The following NRG1 variants were observed in gnomAD, a reference collection of about 807,000 sequenced individuals.
NRG1 encodes pro-neuregulin-1, membrane-bound isoform.
A neutral mutation model predicts 63.8 loss-of-function variants in NRG1; 18 were observed. That is an observed-to-expected ratio of 0.28 (90% CI 0.19 to 0.42). The LOEUF is 0.42. Among genes scored for constraint, NRG1 ranks in the 10% least tolerant of loss-of-function variants. The pLI, the probability that NRG1 is intolerant of heterozygous loss-of-function variation, is 1.00. For missense variants in NRG1, 762 were observed against 814.7 expected (o/e 0.94, Z 0.79); for synonymous variants, 302 against 301.3 (o/e 1.00, Z -0.02).
At chr8:32,358,439 T>C (rs1405769069) in intron 1 of NRG1, among the ~76,000 whole-genome samples, 1 of 149,100 alleles carries the variant, frequency 6.7e-6, no homozygotes, top group Non-Finnish European at 1.5e-5. Context: ...AGGTCAGAGA[T>C]GCTGTCCCTG....
intron 1 of NRG1, among the ~76,000 whole-genome samples, chr8:31,901,944 G>A (rs570526340): frequency 6.6e-6 from 1 of 152,110 alleles, no homozygotes; most frequent in Admixed American, 6.5e-5. Context: ...TCCATGAAAC[G>A]GAACTTATTC....
At chr8:31,954,699 C>T (rs958216582) in intron 1 of NRG1, among the ~76,000 whole-genome samples, 1 of 152,186 alleles carries the variant, frequency 6.6e-6, no homozygotes, top group African/African-American at 2.4e-5. Flanking sequence ...AAGATTGCTT[C>T]TCTCTTTGTG....
At chr8:32,547,762 G>A (rs1833244609), upstream of NRG1, among the ~76,000 whole-genome samples, 1 of 152,098 alleles carries the variant, frequency 6.6e-6, no homozygotes, top group Non-Finnish European at 1.5e-5. Context: ...CGTGCGACAG[G>A]GCTTTTGTAC....
intron 4 of NRG1, 74 bp from the exon 5 acceptor site, chr8:32,616,761 C>G (rs375018627): frequency 2.5e-6 from 3 of 1,179,260 alleles, no homozygotes; most frequent in African/African-American, 1.5e-5. Context: ...GATACCCAAG[C>G]CTGGCAAATT....
At chr8:31,861,648 G>A (rs1295978180) in intron 1 of NRG1, among the ~76,000 whole-genome samples, 4 of 152,138 alleles carry the variant, frequency 2.6e-5, no homozygotes, top group Non-Finnish European at 5.9e-5. Flanking sequence ...AGTAGGCACA[G>A]GCAAAGCCTA....
chr8:32,772,072 TATATATATATATATATAA>T, downstream of NRG1, among the ~76,000 whole-genome samples: 1 of 93,494 alleles, frequency 1.1e-5, no homozygotes, highest in East Asian at 2.9e-4. Context: ...TATATATATA[TATATATATATATATATAA>T]AATCCCACCA....
At chr8:31,879,012 A>C (rs1049030368) in intron 1 of NRG1, among the ~76,000 whole-genome samples, 9 of 152,054 alleles carry the variant, frequency 5.9e-5, no homozygotes, top group Non-Finnish European at 1.2e-4. Flanking sequence ...GAAAAAAAAA[A>C]CAAACAAACA....
intron 5 of NRG1, among the ~76,000 whole-genome samples, chr8:32,693,408 G>T (rs186968865): frequency 1.3e-5 from 2 of 152,012 alleles, no homozygotes; most frequent in African/African-American, 4.8e-5. Context: ...TAGTACAGAT[G>T]AGGTTTCACA....
chr8:32,147,681 C>A (rs570107128), intron 1 of NRG1, among the ~76,000 whole-genome samples: 1 of 152,268 alleles, frequency 6.6e-6, no homozygotes, highest in East Asian at 1.9e-4. Context: ...CTAACTCTAT[C>A]ACTGTCTTCT....
At chr8:32,728,789 G>A (rs1822909294) in intron 6 of NRG1, among the ~76,000 whole-genome samples, 1 of 152,126 alleles carries the variant, frequency 6.6e-6, no homozygotes, top group Non-Finnish European at 1.5e-5. Flanking sequence ...TTTAGGCCTG[G>A]GCACAGTGGC....
At chr8:32,714,765 C>T (rs1038570129) in intron 5 of NRG1, among the ~76,000 whole-genome samples, 6 of 152,126 alleles carry the variant, frequency 3.9e-5, no homozygotes, top group African/African-American at 7.2e-5. Context: ...CACAGGCATG[C>T]GCATGCACAC....
At chr8:32,423,493 A>G (rs553251342) in intron 1 of NRG1, among the ~76,000 whole-genome samples, 2 of 152,246 alleles carry the variant, frequency 1.3e-5, no homozygotes, top group East Asian at 3.9e-4. Context: ...AAAATACAAA[A>G]AATTAGCCGG....
chr8:31,650,133 A>G (rs1344399502), intron 1 of NRG1, among the ~76,000 whole-genome samples: 1 of 152,064 alleles, frequency 6.6e-6, no homozygotes, highest in Non-Finnish European at 1.5e-5. Flanking sequence ...CCATGCCACT[A>G]TGCCCAGCTA....
chr8:32,769,922 A>G (rs913458358), downstream of NRG1, among the ~76,000 whole-genome samples: 5 of 152,200 alleles, frequency 3.3e-5, no homozygotes, highest in Admixed American at 2.6e-4. Context: ...GGAAATAGGA[A>G]AAGAGTTTTG....
intron 1 of NRG1, among the ~76,000 whole-genome samples, chr8:32,540,975 A>G (rs2129520843): frequency 6.6e-6 from 1 of 152,334 alleles, no homozygotes; most frequent in African/African-American, 2.4e-5. Flanking sequence ...TCTTTAAAAG[A>G]TGACTTGCCT....
At chr8:32,140,683 G>C (rs750025133) in intron 1 of NRG1, among the ~76,000 whole-genome samples, 5 of 151,916 alleles carry the variant, frequency 3.3e-5, no homozygotes, top group Non-Finnish European at 5.9e-5. Context: ...AGCTGGTCTT[G>C]AACTCCTGGG....
chr8:32,392,465 C>A lies in NRG1; in HGVS notation c.38-203363C>A, dbSNP rs371793948. ...CCATTTGGCAAATCTACATGTTCCT[C>A]CCTTTTTTCGCATCTCCATGTTCCT... On this transcript the variant is annotated intron_variant, in intron 1 of 10. Coordinates refer to the NRG1 transcript ENST00000519301. 2.4e-4 allele frequency among the ~76,000 whole-genome samples: 37 copies of A among 152,300 alleles called. No homozygotes were observed. In the East Asian group the frequency reaches 5.0e-3, roughly 21 times the overall value.
chr8:32,423,446 C>T (rs1232674513), intron 1 of NRG1, among the ~76,000 whole-genome samples: 1 of 152,150 alleles, frequency 6.6e-6, no homozygotes, highest in Non-Finnish European at 1.5e-5. Context: ...GTCAGGACTT[C>T]CAGCCTGGGC....
chr8:32,691,996 A>AT (rs1811852944), intron 5 of NRG1, among the ~76,000 whole-genome samples: 1 of 152,200 alleles, frequency 6.6e-6, no homozygotes, highest in South Asian at 2.1e-4. Flanking sequence ...CACCATATAT[A>AT]TAAGACTGTT....
Sources: allele counts gnomAD v4.1 joint callset (sites outside exome capture counted in the v4.1 genomes callset), GRCh38; gene constraint gnomAD v4.1.1; transcripts MANE v1.5; gene names NCBI Gene and HGNC (gene_info 2026-07-23, HGNC 2026-07-21).